Variants in ADARB2 observed in about 807,000 individuals in gnomAD.
ADARB2 encodes the protein adenosine deaminase RNA specific B2 (inactive).
ADARB2 carries 25 observed loss-of-function variants against 62.2 expected under a neutral mutation model. The ratio of observed to expected loss-of-function variants is 0.40; its 90% CI spans 0.29 to 0.56. The LOEUF is 0.56. Among genes scored for constraint, ADARB2 ranks in the 20% least tolerant of loss-of-function variants. The pLI is 0.43. For synonymous variants in ADARB2, 572 were observed against 500.8 expected (o/e 1.14, Z -1.90); for missense variants, 1,071 against 1,077.4 (o/e 0.99, Z 0.08).
intron 1 of ADARB2, among the ~76,000 whole-genome samples, chr10:1,641,555 T>G (rs1833978305): frequency 6.6e-6 from 1 of 152,232 alleles, no homozygotes; most frequent in Non-Finnish European, 1.5e-5. Context: ...AGAAAGCTGA[T>G]TCTTTAAGGT....
chr10:1,409,146 G>C (rs1016846559), intron 1 of ADARB2, among the ~76,000 whole-genome samples: 3 of 151,742 alleles, frequency 2.0e-5, no homozygotes, highest in Admixed American at 1.3e-4. Context: ...GGCCCACGGA[G>C]CCCCCGCATC....
At chr10:1,478,839 A>G (rs1427664982) in intron 1 of ADARB2, among the ~76,000 whole-genome samples, 1 of 151,630 alleles carries the variant, frequency 6.6e-6, no homozygotes, top group Non-Finnish European at 1.5e-5. Flanking sequence ...CACCAAAATA[A>G]GGACCCTCCG....
At chr10:1,228,467 C>T (rs1259728544) in intron 6 of ADARB2, among the ~76,000 whole-genome samples, 9 of 152,176 alleles carry the variant, frequency 5.9e-5, no homozygotes, top group African/African-American at 1.2e-4. Context: ...CTAAAGGACC[C>T]GTCGCCCTCG....
intron 1 of ADARB2, among the ~76,000 whole-genome samples, chr10:1,444,868 CA>C (rs1220388765): frequency 3.3e-5 from 5 of 150,070 alleles, no homozygotes; most frequent in African/African-American, 1.2e-4. Context: ...CATCTACATC[CA>C]TCCATCTATC....
At chr10:1,541,035 C>T (rs1462681050) in intron 1 of ADARB2, among the ~76,000 whole-genome samples, 1 of 62,770 alleles carries the variant, frequency 1.6e-5, no homozygotes, top group African/African-American at 6.6e-5. Context: ...CCCACTCAGA[C>T]GCAGTTCAGA....
intron 4 of ADARB2, among the ~76,000 whole-genome samples, chr10:1,265,839 ACGGCC>A: frequency 7.7e-6 from 1 of 129,362 alleles, no homozygotes; most frequent in East Asian, 2.6e-4. Flanking sequence ...CCCCCGGAAG[ACGGCC>A]TGAGCCAGGT....
chr10:1,498,845 A>G (rs1260315933), intron 1 of ADARB2, among the ~76,000 whole-genome samples: 2 of 151,862 alleles, frequency 1.3e-5, no homozygotes, highest in Non-Finnish European at 2.9e-5. Flanking sequence ...CTCATTATTC[A>G]CCTCTTACTC....
At chr10:1,630,255 C>T (rs1454002506) in intron 1 of ADARB2, among the ~76,000 whole-genome samples, 3 of 152,132 alleles carry the variant, frequency 2.0e-5, no homozygotes, top group South Asian at 2.1e-4. Flanking sequence ...TTGGCCCTCC[C>T]GACACTTATG....
At chr10:1,351,432 T>C (rs983178563) in intron 3 of ADARB2, among the ~76,000 whole-genome samples, 1 of 151,710 alleles carries the variant, frequency 6.6e-6, no homozygotes, top group East Asian at 1.9e-4. Flanking sequence ...ACTCCCCAAC[T>C]CTGGTGCCAA....
intron 1 of ADARB2, among the ~76,000 whole-genome samples, chr10:1,596,939 G>T (rs562731732): frequency 6.6e-6 from 1 of 152,144 alleles, no homozygotes; most frequent in African/African-American, 2.4e-5. Flanking sequence ...GGAATGGGGG[G>T]GCTTCATCGC....
chr10:1,568,188 A>C (rs1455826172), intron 1 of ADARB2, among the ~76,000 whole-genome samples: 1 of 152,222 alleles, frequency 6.6e-6, no homozygotes, highest in Non-Finnish European at 1.5e-5. Flanking sequence ...GACATAGCTG[A>C]GGAGTTTCAA....
intron 3 of ADARB2, among the ~76,000 whole-genome samples, chr10:1,360,245 T>C (rs1005764167): frequency 6.6e-6 from 1 of 152,212 alleles, no homozygotes; most frequent in African/African-American, 2.4e-5. Context: ...AGGGCGGCCT[T>C]TCCCCCCAGC....
intron 1 of ADARB2, among the ~76,000 whole-genome samples, chr10:1,681,077 G>A (rs1336829682): frequency 6.6e-6 from 1 of 152,212 alleles, no homozygotes; most frequent in Admixed American, 6.5e-5. Context: ...CGTCAGGTTT[G>A]AAGGCAGCCC....
intron 1 of ADARB2, among the ~76,000 whole-genome samples, chr10:1,494,714 G>A (rs1426217533): frequency 6.6e-6 from 1 of 152,124 alleles, no homozygotes; most frequent in African/African-American, 2.4e-5. Context: ...AATGGAATTA[G>A]GCTTACTCTC....
chr10:1,403,657 C>G (rs144204734), intron 1 of ADARB2, among the ~76,000 whole-genome samples: 129 of 152,268 alleles, frequency 8.5e-4, no homozygotes, highest in African/African-American at 3.0e-3. Flanking sequence ...TGGCCCCGGG[C>G]GTAGCTGATC....
chr10:1,511,151 ATTGCTTGTT>A (rs1831931682), intron 1 of ADARB2, among the ~76,000 whole-genome samples: 1 of 148,632 alleles, frequency 6.7e-6, no homozygotes, highest in Non-Finnish European at 1.5e-5. Context: ...CTCCTGTTCT[ATTGCTTGTT>A]TTGATCCATT....
At chr10:1,664,039 G>A (rs1392230840) in intron 1 of ADARB2, among the ~76,000 whole-genome samples, 1 of 152,264 alleles carries the variant, frequency 6.6e-6, no homozygotes, top group Admixed American at 6.5e-5. Flanking sequence ...TAGTGTGGCT[G>A]TAAACAGCTG....
intron 3 of ADARB2, among the ~76,000 whole-genome samples, chr10:1,327,856 A>G (rs535712631): frequency 0.027 from 1,279 of 46,804 alleles, 297 homozygotes; most frequent in Middle Eastern, 0.096. Flanking sequence ...GCCTCCTCAC[A>G]GCTCAGCGCC....
chr10:1,413,496 C>T (rs927716505), intron 1 of ADARB2, among the ~76,000 whole-genome samples: 3 of 152,160 alleles, frequency 2.0e-5, no homozygotes, highest in Non-Finnish European at 1.5e-5. Context: ...ACTGGAATAC[C>T]ATAAATTACA....
Sources: allele counts gnomAD v4.1 joint callset (sites outside exome capture counted in the v4.1 genomes callset), GRCh38; gene constraint gnomAD v4.1.1; transcripts MANE v1.5; gene names NCBI Gene and HGNC (gene_info 2026-07-23, HGNC 2026-07-21).